PLCE1: variants seen among roughly 807,000 people sequenced by gnomAD.
The protein encoded by PLCE1 is phospholipase C epsilon 1.
A neutral mutation model predicts 242.8 loss-of-function variants in PLCE1; 119 were observed. The observed-to-expected ratio is 0.49, with a 90% CI of 0.42 to 0.57. The LOEUF is 0.57. PLCE1 is among the 20% of genes least tolerant of loss of function. The probability of loss-of-function intolerance (pLI) is 0.00; values close to 1 mark genes in which losing one functional copy is unlikely to be tolerated. For synonymous variants in PLCE1, 945 were observed against 1,017.4 expected, an observed-to-expected ratio of 0.93 and a Z score of 1.35; for missense variants, 2,441 against 2,788.8, an observed-to-expected ratio of 0.88 and a Z score of 2.81.
chr10:93,998,737 AT>A, intron 1 of PLCE1, among the ~76,000 whole-genome samples: 1 of 152,252 alleles, frequency 6.6e-6, no homozygotes. Context: ...GGAGGTGGAG[AT>A]GGTAGGCTAG....
At chr10:94,165,388 T>C (rs1205721870) in intron 3 of PLCE1, among the ~76,000 whole-genome samples, 3 of 152,164 alleles carry the variant, frequency 2.0e-5, no homozygotes, top group Non-Finnish European at 4.4e-5. Context: ...ACTGCTGTGC[T>C]AGCAATGAGC....
chr10:94,172,013 C>A (rs1170295153), intron 4 of PLCE1, among the ~76,000 whole-genome samples: 1 of 152,154 alleles, frequency 6.6e-6, no homozygotes, highest in Non-Finnish European at 1.5e-5. Flanking sequence ...TCTCTCTCTG[C>A]ATCCCCTGAA....
At chr10:94,324,745 G>A (rs1317619242) in intron 31 of PLCE1, 147 bp from the exon 32 acceptor site, 10 of 962,174 alleles carry the variant, frequency 1.0e-5, no homozygotes, top group African/African-American at 4.9e-5. Flanking sequence ...CCGAGCTTGC[G>A]GTTAAGCAGT....
At chr10:94,128,871 G>T (rs767420748) in intron 2 of PLCE1, among the ~76,000 whole-genome samples, 1 of 152,186 alleles carries the variant, frequency 6.6e-6, no homozygotes, top group Non-Finnish European at 1.5e-5. Flanking sequence ...GAGAACTCAT[G>T]CCCCATCTAA....
intron 1 of PLCE1, among the ~76,000 whole-genome samples, chr10:94,005,061 T>C (rs75826480): frequency 0.014 from 2,118 of 152,358 alleles, 50 homozygotes; most frequent in African/African-American, 0.049. Context: ...TCTGTTGCTG[T>C]TACCTGGTGT....
At chr10:94,212,067 T>A (rs1169888750) in intron 4 of PLCE1, among the ~76,000 whole-genome samples, 1 of 152,210 alleles carries the variant, frequency 6.6e-6, no homozygotes, top group African/African-American at 2.4e-5. Flanking sequence ...CCAAAAATCC[T>A]GCCCCTAAAA....
At chr10:94,092,896 C>T (rs766230131) in intron 2 of PLCE1, among the ~76,000 whole-genome samples, 3 of 152,106 alleles carry the variant, frequency 2.0e-5, no homozygotes, top group East Asian at 1.9e-4. Flanking sequence ...ACTCCTTGGG[C>T]GATAGAAAAG....
intron 3 of PLCE1, among the ~76,000 whole-genome samples, chr10:94,140,320 G>A (rs938117202): frequency 6.6e-6 from 1 of 151,716 alleles, no homozygotes; most frequent in African/African-American, 2.4e-5. Flanking sequence ...ATCACTTGAG[G>A]TCAGAAGTTT....
chr10:94,187,143 T>TAC (rs2048502258), intron 4 of PLCE1, among the ~76,000 whole-genome samples: 1 of 134,626 alleles, frequency 7.4e-6, no homozygotes, highest in South Asian at 2.4e-4. Context: ...AGATGAAACA[T>TAC]ATATGTGTGT....
At chr10:94,154,442 G>A (rs2047366931) in intron 3 of PLCE1, among the ~76,000 whole-genome samples, 1 of 152,048 alleles carries the variant, frequency 6.6e-6, no homozygotes, top group Non-Finnish European at 1.5e-5. Context: ...AAAGGTACAG[G>A]TAACAAACAA....
At chr10:94,054,156 A>G (rs2043839423) in intron 2 of PLCE1, among the ~76,000 whole-genome samples, 1 of 152,162 alleles carries the variant, frequency 6.6e-6, no homozygotes, top group Admixed American at 6.5e-5. Context: ...TCACATGGAA[A>G]GTTGGAGAGC....
intron 3 of PLCE1, among the ~76,000 whole-genome samples, chr10:94,147,631 C>A (rs571618229): frequency 6.6e-6 from 1 of 152,172 alleles, no homozygotes; most frequent in South Asian, 2.1e-4. Flanking sequence ...AAGAATGAAA[C>A]AATACCCTAG....
Position 94,275,041 on chromosome 10 carries a change from C to T in PLCE1, c.4665+1321C>T, listed in dbSNP as rs1564851863. ...CAAGCAGATAAAGCTGCTAACCACA[C>T]ATACCACTGTGGTCTTCAAGATAAA... On this transcript the variant is annotated intron_variant, in intron 19 of 32. Transcript: ENST00000371380. Among the ~76,000 whole-genome samples, 2 of 152,196 alleles carry T rather than the reference C, an allele frequency of 1.3e-5. 1 individual carries two copies. Among genetic ancestry groups the T allele is most frequent in the East Asian group, 3.8e-4 (2 of 5,202 alleles).
intron 1 of PLCE1, among the ~76,000 whole-genome samples, chr10:93,997,355 A>G (rs558796602): frequency 2.0e-5 from 3 of 152,366 alleles, no homozygotes; most frequent in African/African-American, 7.2e-5. Flanking sequence ...GATATGGCAT[A>G]TGCATTTTTA....
chr10:94,152,898 GA>G lies in PLCE1; in HGVS notation c.1493-18279del, dbSNP rs1177949838. ...TTCTGCAATAGTATGTTCAAAATCA[GA>G]AATATCATGTACTGTTTTTAAGTCA... On this transcript the variant is annotated intron_variant, in intron 3 of 32. Coordinates refer to ENST00000371380, the MANE Select transcript of PLCE1 (RefSeq NM_016341.4). Among the ~76,000 whole-genome samples the G allele has an allele frequency of 2.6e-5, 4 of 152,014 alleles. 1 individual carries two copies. Among genetic ancestry groups the G allele is most frequent in the Admixed American group, 2.6e-4 (4 of 15,256 alleles).
chr10:94,327,189 T>G (rs1011874630), intron 32 of PLCE1, among the ~76,000 whole-genome samples: 1 of 152,210 alleles, frequency 6.6e-6, no homozygotes, highest in Admixed American at 6.5e-5. Flanking sequence ...GCTTCTCTTA[T>G]AGTCATTGGT....
chr10:94,241,824 A>AGCTGG (rs916759597), intron 7 of PLCE1, among the ~76,000 whole-genome samples: 3 of 151,784 alleles, frequency 2.0e-5, no homozygotes, highest in African/African-American at 7.3e-5. Context: ...CTAGAGGAAC[A>AGCTGG]GCTGGGCTGG....
chr10:94,182,545 T>C (rs577933118), intron 4 of PLCE1, among the ~76,000 whole-genome samples: 17 of 152,044 alleles, frequency 1.1e-4, no homozygotes, highest in Non-Finnish European at 1.8e-4. Context: ...GCTGGGATTA[T>C]AAGCCTGAGC....
chr10:94,235,590 A>C (rs1024402116), intron 6 of PLCE1: 4 of 271,376 alleles, frequency 1.5e-5, no homozygotes, highest in African/African-American at 9.2e-5. Context: ...AGTTCTCACT[A>C]TAAGGATAAA....
Sources: allele counts gnomAD v4.1 joint callset (sites outside exome capture counted in the v4.1 genomes callset), GRCh38; gene constraint gnomAD v4.1.1; transcripts MANE v1.5; gene names NCBI Gene and HGNC (gene_info 2026-07-23, HGNC 2026-07-21).